Variants in TMEM131L observed in about 807,000 individuals in gnomAD.
The protein encoded by TMEM131L is transmembrane protein 131-like.
TMEM131L carries 54 observed loss-of-function variants against 192.2 expected under a neutral mutation model. That is an observed-to-expected ratio of 0.28 (90% CI 0.23 to 0.35). The LOEUF (loss-of-function observed/expected upper bound fraction) is 0.35. TMEM131L is among the 10% of genes least tolerant of loss of function. The probability of loss-of-function intolerance (pLI) is 1.00; values close to 1 mark genes in which losing one functional copy is unlikely to be tolerated. For missense variants in TMEM131L, 1,888 were observed against 1,972.9 expected, an observed-to-expected ratio of 0.96 and a Z score of 0.82; for synonymous variants, 701 against 704.9, an observed-to-expected ratio of 0.99 and a Z score of 0.09.
At chr4:153,552,945 GT>G (rs796400357) in intron 4 of TMEM131L, among the ~76,000 whole-genome samples, 80 of 69,078 alleles carry the variant, frequency 1.2e-3, no homozygotes, top group Admixed American at 2.6e-3. Context: ...TATTTTTTGT[GT>G]TTTTTTTTTT....
chr4:153,618,040 T>C lies in TMEM131L; in HGVS notation c.3568-2716T>C, dbSNP rs1445720769. ...AGTTTGCTAAGAAACTAAGCAAACT[T>C]AGTTATTGCTTATTTGATTTTACTT... On this transcript the variant is annotated intron_variant, in intron 26 of 34. Coordinates refer to ENST00000409959, the MANE Select transcript of TMEM131L (RefSeq NM_001131007.2). Among the ~76,000 whole-genome samples, 14 of 152,282 alleles carry C rather than the reference T, an allele frequency of 9.2e-5. No individual in the cohort carries two copies. In the East Asian group the frequency reaches 1.7e-3, roughly 19 times the overall value.
chr4:153,555,773 G>A lies in TMEM131L; in HGVS notation c.309-14G>A. On this transcript the variant is annotated splice_polypyrimidine_tract_variant and intron_variant, in intron 4 of 34. Transcript: ENST00000409959. This position sits in a 1 kb window ranked among gnomAD's most constrained non-coding sequence, Gnocchi z 4.1. ...ACACAATACATTGATTTTTCTCTTT[G>A]TTTCTCCTCCTAGGTTCCTGGGACA... 6.5e-7 allele frequency: 1 copy of A among 1,547,202 alleles called. No individual in the cohort carries two copies. Among genetic ancestry groups the A allele is most frequent in the South Asian group, 1.2e-5 (1 of 83,762 alleles).
rs570660867 is a variant in TMEM131L, at chr4:153,584,842, A to C, written c.1068A>C (p.Thr356=). ...KIASFTCKAA[T]SCDSGIIEDV... ...TTTCTTTATACCACAAAGCAGCTAC[A>C]TCATGTGACAGTGGAATTATAGAAG... is the stretch of plus-strand genomic sequence containing the variant. Residue 356 remains threonine (T), a synonymous_variant, in exon 12 of 35, where the codon ACA becomes ACC. Coordinates refer to ENST00000409959, the MANE Select transcript of TMEM131L (RefSeq NM_001131007.2). 25 of 1,613,238 alleles carry C rather than the reference A, an allele frequency of 1.5e-5. No individual in the cohort carries two copies. In the African/African-American group the frequency reaches 2.8e-4, roughly 18 times the overall value.
At chr4:153,556,905 G>A (rs1418155546) in intron 5 of TMEM131L, 61 bp from the exon 6 acceptor site, 4 of 784,154 alleles carry the variant, frequency 5.1e-6, no homozygotes, top group Admixed American at 2.2e-5. Flanking sequence ...AAGAAAGTCT[G>A]TGAAAGACAG....
intron 3 of TMEM131L, among the ~76,000 whole-genome samples, chr4:153,521,579 G>A (rs935497713): frequency 6.6e-6 from 1 of 152,102 alleles, no homozygotes; most frequent in Non-Finnish European, 1.5e-5. Flanking sequence ...GTTGAGTGGC[G>A]TTAAGTATAC....
intron 3 of TMEM131L, among the ~76,000 whole-genome samples, chr4:153,485,272 A>G (rs1454514236): frequency 6.6e-6 from 1 of 152,136 alleles, no homozygotes; most frequent in Non-Finnish European, 1.5e-5. Flanking sequence ...TGCCTTCTCT[A>G]ACATACATGT....
intron 3 of TMEM131L, among the ~76,000 whole-genome samples, chr4:153,539,554 A>G (rs1268194225): frequency 8.3e-6 from 1 of 120,184 alleles, no homozygotes; most frequent in African/African-American, 3.3e-5. Flanking sequence ...ATAATGACAT[A>G]TTGTCTGGGT....
intron 24 of TMEM131L, 64 bp downstream of exon 24, chr4:153,603,516 C>A (rs772311766): frequency 1.1e-5 from 16 of 1,495,068 alleles, no homozygotes; most frequent in Admixed American, 6.9e-5. Context: ...TTACTCATTT[C>A]TGATTTAATT....
chr4:153,500,807 G>A (rs755765001), intron 3 of TMEM131L, among the ~76,000 whole-genome samples: 4 of 152,086 alleles, frequency 2.6e-5, no homozygotes, highest in Admixed American at 6.6e-5. Flanking sequence ...GCTCACACAC[G>A]CGTGCATGCA....
chr4:153,501,202 G>GTTTT (rs34750703), intron 3 of TMEM131L, among the ~76,000 whole-genome samples: 15 of 127,534 alleles, frequency 1.2e-4, no homozygotes, highest in African/African-American at 3.4e-4. Context: ...GGTTTTGCAA[G>GTTTT]TTTTTTTTTT....
intron 3 of TMEM131L, among the ~76,000 whole-genome samples, chr4:153,494,085 A>G (rs1244339883): frequency 6.6e-6 from 1 of 151,940 alleles, no homozygotes; most frequent in African/African-American, 2.4e-5. Flanking sequence ...CTTTCCAGCT[A>G]TGTGATCTTG....
rs536209654 is a variant in TMEM131L at position 153,608,316 on chromosome 4, A to G, written c.3418+3886A>G. 5.9e-5 allele frequency among the ~76,000 whole-genome samples: 9 copies of G among 152,316 alleles called. No homozygotes were observed. The South Asian group carries it at 6.2e-4, about 11-fold the overall frequency. ...TCAACTTGTCAAACAACTATCAAAC[A>G]GTTAAACTTGTCAAACATTCGTTAT... On this transcript the variant is annotated intron_variant, in intron 25 of 34. Coordinates refer to ENST00000409959, the MANE Select transcript of TMEM131L (RefSeq NM_001131007.2).
chr4:153,584,127 CTG>C (rs1319973000), intron 11 of TMEM131L, among the ~76,000 whole-genome samples: 1 of 152,216 alleles, frequency 6.6e-6, no homozygotes, highest in Non-Finnish European at 1.5e-5. Context: ...AGCTGATCAT[CTG>C]TGTTCAGATG....
intron 25 of TMEM131L, among the ~76,000 whole-genome samples, chr4:153,611,608 C>T (rs541294968): frequency 9.2e-5 from 14 of 152,324 alleles, no homozygotes; most frequent in Admixed American, 2.0e-4. Context: ...AGTAAATCTG[C>T]ACCCATTACA....
chr4:153,635,694 T>A, intron 34 of TMEM131L, 123 bp downstream of exon 34: 13 of 1,123,570 alleles, frequency 1.2e-5, no homozygotes, highest in Non-Finnish European at 1.5e-5. Flanking sequence ...CCTGGCTTGC[T>A]TCTTTTAGAT....
At chr4:153,481,006 C>T (rs1211883472) in intron 3 of TMEM131L, among the ~76,000 whole-genome samples, 1 of 152,186 alleles carries the variant, frequency 6.6e-6, no homozygotes, top group Non-Finnish European at 1.5e-5. Flanking sequence ...CTTTGAAGAA[C>T]AGCCTTTTAT....
intron 32 of TMEM131L, 99 bp downstream of exon 32, chr4:153,632,937 C>T: frequency 7.1e-7 from 1 of 1,409,820 alleles, no homozygotes. Context: ...AAAATGAAGG[C>T]TAGGCTTCTT....
intron 2 of TMEM131L, among the ~76,000 whole-genome samples, chr4:153,469,103 A>G (rs1730974202): frequency 6.6e-6 from 1 of 152,218 alleles, no homozygotes; most frequent in African/African-American, 2.4e-5. Context: ...TATTTGTATA[A>G]TACAATTTGT....
chr4:153,496,739 T>G (rs1477257378), intron 3 of TMEM131L, among the ~76,000 whole-genome samples: 1 of 151,888 alleles, frequency 6.6e-6, no homozygotes, highest in Non-Finnish European at 1.5e-5. Context: ...TTTGTAGACA[T>G]GGGGGTCTCA....
Sources: allele counts gnomAD v4.1 joint callset (sites outside exome capture counted in the v4.1 genomes callset), GRCh38; gene constraint gnomAD v4.1.1; non-coding constraint Gnocchi (gnomAD v3.1); transcripts MANE v1.5; gene names NCBI Gene and HGNC (gene_info 2026-07-23, HGNC 2026-07-21).